The following SLC7A1 variants were observed in gnomAD, a reference collection of about 807,000 sequenced individuals.
The protein encoded by SLC7A1 is solute carrier family 7 member 1.
In SLC7A1, 10 loss-of-function variants were observed where a neutral mutation model predicts 53.9. The observed-to-expected ratio is 0.19, with a 90% CI of 0.11 to 0.31. The LOEUF (loss-of-function observed/expected upper bound fraction) is 0.31. Among genes scored for constraint, SLC7A1 ranks in the 10% least tolerant of loss-of-function variants. SLC7A1 has a pLI of 1.00. For missense variants in SLC7A1, 525 were observed against 827.2 expected (o/e 0.63, Z 4.48); for synonymous variants, 342 against 338.7 (o/e 1.01, Z -0.11).
chr13:29,566,256 T>C (rs1271266360), intron 1 of SLC7A1, among the ~76,000 whole-genome samples: 1 of 152,186 alleles, frequency 6.6e-6, no homozygotes, highest in Non-Finnish European at 1.5e-5. Context: ...AGAGGTACAA[T>C]ACAGCAATTC....
chr13:29,592,040 G>C (rs749501456), intron 1 of SLC7A1, among the ~76,000 whole-genome samples: 1 of 152,170 alleles, frequency 6.6e-6, no homozygotes, highest in Non-Finnish European at 1.5e-5. Context: ...TAAGGTTCAC[G>C]AAGTCTAAAT....
At chr13:29,521,839 C>G (rs1245939782) in intron 8 of SLC7A1, among the ~76,000 whole-genome samples, 1 of 152,152 alleles carries the variant, frequency 6.6e-6, no homozygotes, top group Admixed American at 6.5e-5. Flanking sequence ...GTGGCTTCAT[C>G]AGCAGCACCC....
intron 1 of SLC7A1, among the ~76,000 whole-genome samples, chr13:29,573,156 C>A (rs563439508): frequency 5.3e-5 from 8 of 152,260 alleles, no homozygotes; most frequent in South Asian, 4.1e-4. Flanking sequence ...TCAAAAAATT[C>A]TTTGGTGATG....
At chr13:29,535,638 G>A (rs1358755662) in intron 3 of SLC7A1, among the ~76,000 whole-genome samples, 181 bp downstream of exon 3, 2 of 152,066 alleles carry the variant, frequency 1.3e-5, no homozygotes, top group Non-Finnish European at 2.9e-5. Flanking sequence ...ATTTACTCTA[G>A]TAATTTAAAA....
chr13:29,549,750 C>T (rs187210610), intron 2 of SLC7A1, among the ~76,000 whole-genome samples: 13 of 152,300 alleles, frequency 8.5e-5, no homozygotes, highest in Non-Finnish European at 1.5e-4. Context: ...CTGTAGCCTC[C>T]GCCTCCTGGG....
At chr13:29,553,713 A>T (rs1235155532) in intron 2 of SLC7A1, 48 bp downstream of exon 2, 1 of 152,232 alleles carries the variant, frequency 6.6e-6, no homozygotes, top group South Asian at 2.1e-4. Flanking sequence ...TTCTAGTACA[A>T]AACAGAATAA....
At chr13:29,523,602 C>T (rs1469175101) in intron 6 of SLC7A1, 114 bp from the exon 7 acceptor site, 1 of 746,284 alleles carries the variant, frequency 1.3e-6, no homozygotes, top group East Asian at 2.7e-5. Context: ...TACGAGAAAC[C>T]TCCCTCCAGC....
At chr13:29,521,494 C>T (rs1249359269) in intron 8 of SLC7A1, among the ~76,000 whole-genome samples, 2 of 152,218 alleles carry the variant, frequency 1.3e-5, no homozygotes, top group Non-Finnish European at 2.9e-5. Flanking sequence ...GGGTGCACAT[C>T]CTCGCTTCAC....
At chr13:29,572,861 C>T (rs1455215973) in intron 1 of SLC7A1, among the ~76,000 whole-genome samples, 1 of 152,142 alleles carries the variant, frequency 6.6e-6, no homozygotes, top group Non-Finnish European at 1.5e-5. Context: ...CCGCAAGGGC[C>T]AACTCAACAT....
chr13:29,579,550 A>T (rs1871555685), intron 1 of SLC7A1, among the ~76,000 whole-genome samples: 1 of 151,986 alleles, frequency 6.6e-6, no homozygotes, highest in African/African-American at 2.4e-5. Flanking sequence ...TTTATTAGAG[A>T]CAGGGTTTTG....
At chr13:29,594,614 T>A (rs994021626) in intron 1 of SLC7A1, among the ~76,000 whole-genome samples, 3 of 152,214 alleles carry the variant, frequency 2.0e-5, no homozygotes, top group Non-Finnish European at 4.4e-5. Context: ...AGGAACACCC[T>A]GAGAATACGG....
intron 1 of SLC7A1, among the ~76,000 whole-genome samples, chr13:29,585,318 T>C (rs1290769919): frequency 6.6e-6 from 1 of 152,190 alleles, no homozygotes; most frequent in Non-Finnish European, 1.5e-5. Flanking sequence ...GTGGTGGAGT[T>C]GCAGGTGAGG....
chr13:29,538,612 G>C (rs1269945120), intron 2 of SLC7A1, among the ~76,000 whole-genome samples: 2 of 152,246 alleles, frequency 1.3e-5, no homozygotes, highest in South Asian at 4.1e-4. Context: ...GGATCTGCAG[G>C]CTCAGGGAGT....
intron 1 of SLC7A1, among the ~76,000 whole-genome samples, chr13:29,567,528 T>C (rs1299344759): frequency 6.6e-6 from 1 of 152,196 alleles, no homozygotes; most frequent in East Asian, 1.9e-4. Context: ...TTTGGGATGC[T>C]TCCCACACTG....
At position 29,521,811 on chromosome 13, in the gene SLC7A1, G is replaced by A. The variant is rs147308852; in HGVS notation, c.1189+506C>T. Among the ~76,000 whole-genome samples, 1,248 of 152,264 alleles carry A rather than the reference G, an allele frequency of 8.2e-3. 6 individuals carry two copies. Among genetic ancestry groups the A allele is most frequent in the Non-Finnish European group, 0.014 (952 of 68,024 alleles). ...GAAACTCCACTGGGTCTGCTATTACGTATAAACTTAGGGGCAAGTGGCTTC... is the reference window on the plus strand; with the variant it reads ...GAAACTCCACTGGGTCTGCTATTACATATAAACTTAGGGGCAAGTGGCTTC... On this transcript the variant is annotated intron_variant, in intron 8 of 12. Transcript: ENST00000380752.
At chr13:29,551,434 A>G (rs1870180228) in intron 2 of SLC7A1, among the ~76,000 whole-genome samples, 1 of 152,200 alleles carries the variant, frequency 6.6e-6, no homozygotes, top group Non-Finnish European at 1.5e-5. Context: ...AAAAGATGAC[A>G]TCATGGCGGT....
At chr13:29,567,924 C>T (rs900670968) in intron 1 of SLC7A1, among the ~76,000 whole-genome samples, 5 of 151,968 alleles carry the variant, frequency 3.3e-5, no homozygotes, top group Admixed American at 2.6e-4. Context: ...GGTGAGGTGG[C>T]CCTAACTTCT....
At chr13:29,524,030 G>A (rs1868762349) in intron 6 of SLC7A1, 102 bp downstream of exon 6, 1 of 1,157,192 alleles carries the variant, frequency 8.6e-7, no homozygotes, top group Non-Finnish European at 1.3e-6. Flanking sequence ...ATGTGTGAAA[G>A]AGCGGCGACT....
At chr13:29,560,081 A>G (rs1870683792) in intron 1 of SLC7A1, among the ~76,000 whole-genome samples, 1 of 152,194 alleles carries the variant, frequency 6.6e-6, no homozygotes, top group Non-Finnish European at 1.5e-5. Context: ...ACACAGAAGT[A>G]CAAAAATATT....
Sources: gnomAD v4.1 joint callset for allele counts (sites outside exome capture counted in the v4.1 genomes callset) on GRCh38, gnomAD v4.1.1 for gene constraint, MANE v1.5 for transcripts, NCBI Gene and HGNC (gene_info 2026-07-23, HGNC 2026-07-21) for gene names.